KCNN2: variants seen among roughly 807,000 people sequenced by gnomAD.
KCNN2 encodes potassium calcium-activated channel subfamily N member 2.
In KCNN2, 24 loss-of-function variants were observed where a neutral mutation model predicts 55.5. The ratio of observed to expected loss-of-function variants is 0.43; its 90% CI spans 0.31 to 0.61. The LOEUF is 0.61. Ranked by LOEUF, KCNN2 falls within the 20% of genes least tolerant of loss-of-function variation. The pLI, the probability that KCNN2 is intolerant of heterozygous loss-of-function variation, is 0.08. For missense variants in KCNN2, 754 were observed against 853.6 expected (o/e 0.88, Z 1.45); for synonymous variants, 431 against 336.1 (o/e 1.28, Z -3.09).
chr5:114,155,816 C>T (rs932951893), intron 1 of KCNN2, among the ~76,000 whole-genome samples: 5 of 152,244 alleles, frequency 3.3e-5, no homozygotes, highest in Admixed American at 6.5e-5. Context: ...AAAATTTTCT[C>T]GCATCCTGTA....
upstream of KCNN2, among the ~76,000 whole-genome samples, chr5:114,359,115 G>T (rs374807638): frequency 6.6e-6 from 1 of 152,188 alleles, no homozygotes; most frequent in Non-Finnish European, 1.5e-5. Flanking sequence ...ACAGAAAGCC[G>T]ATAAATGTCT....
chr5:114,221,559 A>G (rs1754138898), exon 2 of KCNN2, among the ~76,000 whole-genome samples: 2 of 152,222 alleles, frequency 1.3e-5, no homozygotes, highest in South Asian at 4.1e-4. Context: ...GGATATAAGC[A>G]ATAACAGTGA....
chr5:114,396,090 C>G (rs564940345), intron 2 of KCNN2, among the ~76,000 whole-genome samples: 2 of 152,078 alleles, frequency 1.3e-5, no homozygotes, highest in Admixed American at 6.6e-5. Flanking sequence ...CCCTTTGTAC[C>G]CAGGAAATGG....
chr5:114,081,825 G>A (rs1750826902), intron 1 of KCNN2, among the ~76,000 whole-genome samples: 1 of 152,032 alleles, frequency 6.6e-6, no homozygotes, highest in Non-Finnish European at 1.5e-5. Context: ...TGGAGTAAAA[G>A]GACAACCCAT....
At position 114,362,920 on chromosome 5, in the gene KCNN2, C is replaced by G. The variant is rs1757481188; in HGVS notation, c.781C>G (p.Pro261Ala). Residue 261 changes from proline to alanine, a missense_variant, in exon 1 of 8, where the codon CCG becomes GCG. By Grantham distance (27) the Pro-to-Ala change is conservative. Around this residue, in one of 4 missense-constraint regions of KCNN2, gnomAD observed 381 missense variants for 259.1 expected, o/e 1.47. Transcript: ENST00000673685. Reference protein sequence around the residue: ...SVGGGGGASSPSAAAAAAAAV... With the variant: ...SVGGGGGASSASAAAAAAAAV... ...CGGAGGAGGTGGCGGCGCGTCCTCC[C>G]CGTCTGCAGCCGCTGCCGCCGCCGC... 4.4e-6 allele frequency: 7 copies of G among 1,574,304 alleles called. No homozygotes were observed. The highest frequency in any genetic ancestry group is 6.0e-6 in the Non-Finnish European group (7 of 1,170,560).
At chr5:114,284,920 G>C in intron 2 of KCNN2, among the ~76,000 whole-genome samples, 1 of 152,010 alleles carries the variant, frequency 6.6e-6, no homozygotes, top group South Asian at 2.1e-4. Context: ...CTCTAGAGCT[G>C]TGAAAAAAAT....
At chr5:114,131,610 A>G (rs1274632920) in intron 1 of KCNN2, among the ~76,000 whole-genome samples, 3 of 152,206 alleles carry the variant, frequency 2.0e-5, no homozygotes, top group Non-Finnish European at 4.4e-5. Flanking sequence ...ATATATCATC[A>G]TAATAAAATG....
chr5:114,097,139 T>A (rs1299136780), intron 1 of KCNN2, among the ~76,000 whole-genome samples: 1 of 152,240 alleles, frequency 6.6e-6, no homozygotes, highest in Non-Finnish European at 1.5e-5. Context: ...TGGTTAGATT[T>A]GATAGACATT....
intron 3 of KCNN2, among the ~76,000 whole-genome samples, chr5:114,452,757 G>A (rs1363943179): frequency 3.3e-5 from 5 of 152,248 alleles, no homozygotes; most frequent in African/African-American, 7.2e-5. Context: ...TGAATATGCC[G>A]CTACAGTGAA....
At chr5:114,286,220 G>A (rs963782965) in intron 2 of KCNN2, among the ~76,000 whole-genome samples, 1 of 152,100 alleles carries the variant, frequency 6.6e-6, no homozygotes, top group Non-Finnish European at 1.5e-5. Flanking sequence ...TGAATGACAG[G>A]GTAGATCAGG....
At chr5:114,160,254 A>G (rs985208882) in intron 1 of KCNN2, among the ~76,000 whole-genome samples, 2 of 152,088 alleles carry the variant, frequency 1.3e-5, no homozygotes, top group African/African-American at 4.8e-5. Context: ...CCTTCATTTC[A>G]TTATGTACGC....
rs10658266 is a variant in KCNN2, at chr5:114,232,925, G to GTTTTTTTTTT, written c.-185+11364_-185+11373dup. On this transcript the variant is annotated intron_variant, in intron 2 of 10. Transcript: ENST00000512097. ...GAGGTAATTTTTTATATTGTTTCTT[G>GTTTTTTTTTT]TTTTTTTTTTTTTGAGACGGAGTCT... Among the ~76,000 whole-genome samples the GTTTTTTTTTT allele has an allele frequency of 2.1e-4, 16 of 76,282 alleles. 3 individuals are homozygous for GTTTTTTTTTT. Among genetic ancestry groups the GTTTTTTTTTT allele is most frequent in the Non-Finnish European group, 2.4e-4 (10 of 40,822 alleles). 50.0% of individuals were successfully genotyped at this position (76,282 alleles called of 152,430 possible). A position where few individuals can be genotyped will look rare whatever the true frequency, so the allele number is the denominator to read the frequency against.
At chr5:114,280,221 T>C (rs1001184240) in intron 2 of KCNN2, among the ~76,000 whole-genome samples, 1 of 152,212 alleles carries the variant, frequency 6.6e-6, no homozygotes, top group African/African-American at 2.4e-5. Flanking sequence ...GATGGGTAGA[T>C]TGTAAAAATT....
At chr5:114,360,532 A>G (rs1580746149), upstream of KCNN2, among the ~76,000 whole-genome samples, 1 of 152,200 alleles carries the variant, frequency 6.6e-6, no homozygotes, top group African/African-American at 2.4e-5. Flanking sequence ...AATTTCTTTC[A>G]CCTTCTTTAG....
intron 1 of KCNN2, among the ~76,000 whole-genome samples, chr5:114,081,511 T>A (rs558821674): frequency 1.3e-5 from 2 of 152,350 alleles, no homozygotes; most frequent in Admixed American, 1.3e-4. Flanking sequence ...TTGACAAGAC[T>A]GCTGGGACAA....
In KCNN2 at chr5:114,198,430, G is replaced by GTATA. The variant is rs570641635; in HGVS notation, c.-270-23042_-270-23039dup. ...TATCCATACATATACGTATATATGT[G>GTATA]TATATATATATGTGTTTACATATAT... On this transcript the variant is annotated intron_variant, in intron 1 of 10. Transcript: ENST00000512097. 2.0e-3 allele frequency among the ~76,000 whole-genome samples: 291 copies of GTATA among 144,174 alleles called. 1 individual carries two copies. Among genetic ancestry groups the GTATA allele is most frequent in the African/African-American group, 6.9e-3 (269 of 39,102 alleles). The allele number at this position is 144,174 out of a possible 152,430, so 94.6% of individuals were successfully genotyped here.
chr5:114,215,552 A>G (rs957927800), intron 1 of KCNN2, among the ~76,000 whole-genome samples: 18 of 152,250 alleles, frequency 1.2e-4, no homozygotes, highest in Non-Finnish European at 2.1e-4. Flanking sequence ...AGTTAAATCA[A>G]TAAATCAGGG....
At chr5:114,142,650 A>G (rs891589465) in intron 1 of KCNN2, among the ~76,000 whole-genome samples, 2 of 152,168 alleles carry the variant, frequency 1.3e-5, no homozygotes, top group African/African-American at 4.8e-5. Context: ...TAGGAATCCA[A>G]CTTACAAGGG....
chr5:114,157,463 C>A (rs1303681230), intron 1 of KCNN2, among the ~76,000 whole-genome samples: 3 of 152,134 alleles, frequency 2.0e-5, no homozygotes, highest in African/African-American at 7.2e-5. Context: ...CCGCAATAAA[C>A]ATACATGTGC....
Sources: allele counts gnomAD v4.1 joint callset (sites outside exome capture counted in the v4.1 genomes callset), GRCh38; gene constraint gnomAD v4.1.1; regional missense constraint gnomAD v4.1.1; transcripts MANE v1.5; gene names NCBI Gene and HGNC (gene_info 2026-07-23, HGNC 2026-07-21).